Variants in SLC38A1 observed in about 807,000 individuals in gnomAD.
The protein encoded by SLC38A1 is sodium-coupled neutral amino acid symporter 1.
In SLC38A1, 18 loss-of-function variants were observed where a neutral mutation model predicts 60.3. The ratio of observed to expected loss-of-function variants is 0.30; its 90% CI spans 0.21 to 0.44. SLC38A1 has a LOEUF of 0.44. SLC38A1 is among the 20% of genes least tolerant of loss of function. The pLI is 1.00. For missense variants in SLC38A1, 448 were observed against 587.2 expected, an observed-to-expected ratio of 0.76 and a Z score of 2.45; for synonymous variants, 196 against 212.1, an observed-to-expected ratio of 0.92 and a Z score of 0.66.
At chr12:46,216,480 C>T (rs184074369) in intron 5 of SLC38A1, among the ~76,000 whole-genome samples, 11 of 152,120 alleles carry the variant, frequency 7.2e-5, no homozygotes, top group Admixed American at 2.0e-4. Context: ...CAGTGAGGCT[C>T]GAGGACAGGA....
At chr12:46,223,706 A>G (rs1027297215) in intron 5 of SLC38A1, among the ~76,000 whole-genome samples, 6 of 152,258 alleles carry the variant, frequency 3.9e-5, no homozygotes, top group Non-Finnish European at 8.8e-5. Flanking sequence ...TTGTTTCACA[A>G]TTAACATTTC....
intron 1 of SLC38A1, among the ~76,000 whole-genome samples, chr12:46,263,606 TC>T (rs1486142046): frequency 6.6e-6 from 1 of 152,186 alleles, no homozygotes; most frequent in Non-Finnish European, 1.5e-5. Context: ...CCTGTCTGTC[TC>T]CTGCTCAGAG....
At chr12:46,253,118 A>G (rs1941911305) in intron 1 of SLC38A1, among the ~76,000 whole-genome samples, 1 of 152,104 alleles carries the variant, frequency 6.6e-6, no homozygotes, top group Non-Finnish European at 1.5e-5. Context: ...GTGTAGGATG[A>G]ATAAGTCTAG....
intron 1 of SLC38A1, among the ~76,000 whole-genome samples, chr12:46,262,449 C>G (rs987103763): frequency 4.0e-5 from 6 of 150,738 alleles, no homozygotes; most frequent in African/African-American, 1.2e-4. Flanking sequence ...GTGTGAATAC[C>G]AACAAAATTA....
chr12:46,209,777 T>C (rs971980216), intron 5 of SLC38A1, among the ~76,000 whole-genome samples: 1 of 152,204 alleles, frequency 6.6e-6, no homozygotes, highest in African/African-American at 2.4e-5. Context: ...CTTTTTTGAA[T>C]GATGAACTCA....
intron 5 of SLC38A1, among the ~76,000 whole-genome samples, chr12:46,221,450 T>C (rs906959144): frequency 6.6e-6 from 1 of 152,162 alleles, no homozygotes; most frequent in Admixed American, 6.5e-5. Flanking sequence ...GCCAGTCCCA[T>C]GCTGACTCTG....
At chr12:46,214,391 C>T (rs933101124) in intron 5 of SLC38A1, among the ~76,000 whole-genome samples, 13 of 152,128 alleles carry the variant, frequency 8.5e-5, no homozygotes, top group Admixed American at 2.0e-4. Flanking sequence ...ATTTGAAAAA[C>T]GTTATTTGTC....
chr12:46,204,595 A>T lies in SLC38A1; in HGVS notation c.647-5T>A, dbSNP rs986579329. 8 of 1,572,038 alleles carry T rather than the reference A, an allele frequency of 5.1e-6. No individual in the cohort carries two copies. Among genetic ancestry groups the T allele is most frequent in the South Asian group, 3.6e-5 (3 of 83,232 alleles). On this transcript the variant is annotated splice_polypyrimidine_tract_variant and splice_region_variant and intron_variant, in intron 9 of 16. Coordinates refer to ENST00000398637, the MANE Select transcript of SLC38A1 (RefSeq NM_030674.4). ...CACTAGTATAGCCAAGATACCCTTT[A>T]AAAAAAAGTAAAAAATAAATTATTT...
intron 1 of SLC38A1, among the ~76,000 whole-genome samples, chr12:46,260,484 A>G (rs1324727827): frequency 1.3e-5 from 2 of 152,230 alleles, no homozygotes; most frequent in Non-Finnish European, 2.9e-5. Context: ...CTTCATCTGT[A>G]AAATGAGAGG....
At chr12:46,201,231 C>A in intron 12 of SLC38A1, 33 bp from the exon 13 acceptor site, 2 of 1,535,376 alleles carry the variant, frequency 1.3e-6, no homozygotes, top group South Asian at 2.3e-5. Flanking sequence ...AATTAAAAAT[C>A]ATATGACTGA....
At chr12:46,212,826 C>T (rs1214276263) in intron 5 of SLC38A1, among the ~76,000 whole-genome samples, 1 of 152,172 alleles carries the variant, frequency 6.6e-6, no homozygotes, top group Non-Finnish European at 1.5e-5. Context: ...ACATATTATG[C>T]AACCCATTCT....
At chr12:46,189,265 G>GA (rs147988406) in intron 16 of SLC38A1, among the ~76,000 whole-genome samples, 194 bp from the exon 17 acceptor site, 8,623 of 143,474 alleles carry the variant, frequency 0.06, 385 homozygotes, top group African/African-American at 0.13. Context: ...GGGAAAATAG[G>GA]AAAAAAAAAA....
intron 5 of SLC38A1, among the ~76,000 whole-genome samples, chr12:46,222,810 A>C (rs2137697123): frequency 6.6e-6 from 1 of 152,330 alleles, no homozygotes; most frequent in African/African-American, 2.4e-5. Flanking sequence ...GAAGCCACTG[A>C]GAGGTTTATT....
chr12:46,206,008 C>G (rs1485333325), intron 9 of SLC38A1, 72 bp downstream of exon 9: 2 of 900,602 alleles, frequency 2.2e-6, no homozygotes, highest in Admixed American at 1.9e-5. Context: ...GAGGGCAACA[C>G]TGTCCATTTT....
intron 8 of SLC38A1, 53 bp downstream of exon 8, chr12:46,207,102 A>G: frequency 8.0e-7 from 1 of 1,251,878 alleles, no homozygotes; most frequent in Admixed American, 2.2e-5. Flanking sequence ...ATTGGCCCAT[A>G]TTTAAATTAA....
At position 46,264,944 on chromosome 12, in the gene SLC38A1, C is replaced by A. The variant is rs76712232; in HGVS notation, c.-209+3582G>T. ...ATATTCTCCCAGAGACTAAAAAGAT[C>A]CAGGTAGTTTCCATCAAGATATATT... is the stretch of plus-strand genomic sequence containing the variant. On this transcript the variant is annotated intron_variant, in intron 1 of 16. Transcript: ENST00000398637. Among the ~76,000 whole-genome samples the A allele has an allele frequency of 9.9e-3, 1,505 of 152,240 alleles. 25 individuals are homozygous for A. Among genetic ancestry groups the A allele is most frequent in the African/African-American group, 0.034 (1,409 of 41,530 alleles).
At chr12:46,228,913 T>C (rs1280208218) in intron 5 of SLC38A1, among the ~76,000 whole-genome samples, 2 of 152,238 alleles carry the variant, frequency 1.3e-5, no homozygotes, top group Non-Finnish European at 2.9e-5. Flanking sequence ...TTAATCCTTT[T>C]CACAAATGCT....
At chr12:46,258,323 T>A (rs1417182900) in intron 1 of SLC38A1, among the ~76,000 whole-genome samples, 4 of 152,232 alleles carry the variant, frequency 2.6e-5, no homozygotes, top group Non-Finnish European at 5.9e-5. Flanking sequence ...AAGATGGAGT[T>A]GCTCTGGTTC....
At chr12:46,199,533 T>C (rs1939553735) in intron 13 of SLC38A1, among the ~76,000 whole-genome samples, 1 of 151,660 alleles carries the variant, frequency 6.6e-6, no homozygotes, top group South Asian at 2.1e-4. Flanking sequence ...TATTTTTTTT[T>C]TTTTTGTAGA....
Sources: allele counts gnomAD v4.1 joint callset (sites outside exome capture counted in the v4.1 genomes callset), GRCh38; gene constraint gnomAD v4.1.1; transcripts MANE v1.5; gene names NCBI Gene and HGNC (gene_info 2026-07-23, HGNC 2026-07-21).